The following TMEM154 variants were observed in gnomAD, a reference collection of about 807,000 sequenced individuals.
TMEM154 encodes transmembrane protein 154.
A neutral mutation model predicts 24.5 loss-of-function variants in TMEM154; 27 were observed. The ratio of observed to expected loss-of-function variants is 1.10; its 90% CI spans 0.81 to 1.52. The LOEUF (loss-of-function observed/expected upper bound fraction) is 1.52, where lower values mean the gene tolerates loss of function less well. Ranked by LOEUF, TMEM154 falls within the 40% of genes most tolerant of loss-of-function variation. The pLI, the probability that TMEM154 is intolerant of heterozygous loss-of-function variation, is 0.00. For synonymous variants in TMEM154, 67 were observed against 76.8 expected (o/e 0.87, Z 0.67); for missense variants, 228 against 213.4 (o/e 1.07, Z -0.43).
intron 3 of TMEM154, among the ~76,000 whole-genome samples, chr4:152,650,574 C>T (rs968470897): frequency 2.6e-5 from 4 of 152,182 alleles, no homozygotes; most frequent in Admixed American, 6.5e-5. Context: ...TTGGAATCAA[C>T]GTCTTCCAAA....
At chr4:152,635,691 C>T (rs187953992) in intron 6 of TMEM154, among the ~76,000 whole-genome samples, 3 of 152,256 alleles carry the variant, frequency 2.0e-5, no homozygotes, top group Non-Finnish European at 2.9e-5. Flanking sequence ...AGCTCAGAAA[C>T]ATAAACTATA....
chr4:152,679,831 G>A (rs1729025548), intron 1 of TMEM154, 39 bp downstream of exon 1: 3 of 1,586,976 alleles, frequency 1.9e-6, no homozygotes, highest in Non-Finnish European at 2.6e-6. Context: ...CAGCTTTTGC[G>A]ATCCTCCTTC....
intron 6 of TMEM154, among the ~76,000 whole-genome samples, chr4:152,637,640 C>G (rs1216858651): frequency 6.6e-6 from 1 of 152,096 alleles, no homozygotes; most frequent in Non-Finnish European, 1.5e-5. Context: ...GTTCTTATTT[C>G]CATTTTTCAA....
intron 6 of TMEM154, among the ~76,000 whole-genome samples, chr4:152,637,893 A>G (rs997451696): frequency 9.9e-5 from 15 of 152,248 alleles, no homozygotes; most frequent in Admixed American, 3.3e-4. Context: ...TTAGGATAGG[A>G]AAAAGAAATG....
chr4:152,655,354 T>C (rs1224569199), intron 1 of TMEM154, among the ~76,000 whole-genome samples: 1 of 152,148 alleles, frequency 6.6e-6, no homozygotes, highest in Non-Finnish European at 1.5e-5. Context: ...GCCCCTCAAC[T>C]CTCACAGGCC....
At position 152,619,736 on chromosome 4, in the gene TMEM154, C is replaced by G. The variant is rs986203964; in HGVS notation, c.*8810G>C. On this transcript the variant is annotated 3_prime_UTR_variant, in exon 7 of 7. Coordinates refer to ENST00000304385, the MANE Select transcript of TMEM154 (RefSeq NM_152680.3). ...CCACAGGCTTGGCTGGGCTCCTATC[C>G]GACAGCCAGAACAAACTTGCCAGCC... 1 of 152,166 alleles carries G rather than the reference C, an allele frequency of 6.6e-6. No homozygotes were observed. Among genetic ancestry groups the G allele is most frequent in the African/African-American group, 2.4e-5 (1 of 41,422 alleles). 9.4% of individuals were successfully genotyped at this position (152,166 alleles called of 1,614,324 possible).
In TMEM154 at chr4:152,622,676, C is replaced by T. The variant is rs1751861214; in HGVS notation, c.*5870G>A. On this transcript the variant is annotated 3_prime_UTR_variant, in exon 7 of 7. Coordinates refer to ENST00000304385, the MANE Select transcript of TMEM154 (RefSeq NM_152680.3). Reference sequence around the variant, plus strand: ...TGGAGTTGAGAATAATTTATATATACATATGTATACTGACATTTATAAAAT... The same window carrying T: ...TGGAGTTGAGAATAATTTATATATATATATGTATACTGACATTTATAAAAT... 6.6e-6 allele frequency: 1 copy of T among 151,994 alleles called. No homozygotes were observed. The highest frequency in any genetic ancestry group is 1.5e-5 in the Non-Finnish European group (1 of 68,008). 9.4% of individuals were successfully genotyped at this position (151,994 alleles called of 1,614,324 possible).
chr4:152,648,850 A>G (rs543141710), intron 3 of TMEM154, among the ~76,000 whole-genome samples: 33 of 152,298 alleles, frequency 2.2e-4, no homozygotes, highest in Non-Finnish European at 4.1e-4. Context: ...AAAACCAGTC[A>G]TGGTTTGGGG....
At chr4:152,653,853 A>G (rs541632141) in intron 1 of TMEM154, among the ~76,000 whole-genome samples, 2 of 151,386 alleles carry the variant, frequency 1.3e-5, no homozygotes, top group East Asian at 4.0e-4. Context: ...AGCCTGACCA[A>G]CATGGTGAAA....
At chr4:152,645,698 A>G (rs1298784127) in intron 3 of TMEM154, among the ~76,000 whole-genome samples, 1 of 152,208 alleles carries the variant, frequency 6.6e-6, no homozygotes, top group African/African-American at 2.4e-5. Flanking sequence ...GAAGGAACAC[A>G]ACCAGCAGAC....
intron 3 of TMEM154, among the ~76,000 whole-genome samples, chr4:152,649,290 T>C (rs74956563): frequency 0.048 from 7,317 of 152,340 alleles, 213 homozygotes; most frequent in East Asian, 0.073. Context: ...AGGCTTTAAC[T>C]TAAAAATCGA....
rs1751897218 is a variant in TMEM154 at position 152,625,136 on chromosome 4, A to C, written c.*3410T>G. ...GTGAATTAATAGTTTAAACCACCAA[A>C]ATAAAAGAATAGACAAGTATTTTCT... On this transcript the variant is annotated 3_prime_UTR_variant, in exon 7 of 7. Transcript: ENST00000304385. 6.6e-6 allele frequency: 1 copy of C among 152,218 alleles called. No individual in the cohort carries two copies. Among genetic ancestry groups the C allele is most frequent in the African/African-American group, 2.4e-5 (1 of 41,456 alleles). The allele number at this position is 152,218 out of a possible 1,614,324, so 9.4% of individuals were successfully genotyped here. A position where few individuals can be genotyped will look rare whatever the true frequency, so the allele number is the denominator to read the frequency against.
At chr4:152,660,615 G>C (rs1356704731) in intron 1 of TMEM154, among the ~76,000 whole-genome samples, 1 of 152,150 alleles carries the variant, frequency 6.6e-6, no homozygotes, top group African/African-American at 2.4e-5. Flanking sequence ...TTTGAAACCA[G>C]GGGGCCGATG....
intron 3 of TMEM154, among the ~76,000 whole-genome samples, chr4:152,647,896 G>C (rs1463879990): frequency 6.6e-6 from 1 of 152,178 alleles, no homozygotes; most frequent in Non-Finnish European, 1.5e-5. Context: ...ACGGTGCCAG[G>C]AAGTGCAAGC....
At chr4:152,674,720 G>T (rs918531785) in intron 1 of TMEM154, among the ~76,000 whole-genome samples, 47 of 152,166 alleles carry the variant, frequency 3.1e-4, no homozygotes, top group Non-Finnish European at 6.2e-4. Flanking sequence ...AAGGCTGGGG[G>T]TATATTCGAA....
chr4:152,628,448 AAATT>A lies in TMEM154; in HGVS notation c.*94_*97del. The A allele has an allele frequency of 6.3e-7, 1 of 1,580,198 alleles. No homozygotes were observed. The highest frequency in any genetic ancestry group is 1.4e-5 in the African/African-American group (1 of 73,782). ...AGGTTCTTGTGTCTATGTTGATTTG[AAATT>A]AATTAAATTTGTATCCTCTTCATCC... On this transcript the variant is annotated 3_prime_UTR_variant, in exon 7 of 7. Transcript: ENST00000304385.
chr4:152,651,057 T>C (rs1007440996), intron 3 of TMEM154, among the ~76,000 whole-genome samples: 1 of 152,338 alleles, frequency 6.6e-6, no homozygotes, highest in East Asian at 1.9e-4. Flanking sequence ...ATTTTCAGAA[T>C]GGTAAACAAG....
chr4:152,636,415 C>T (rs1252188805), intron 6 of TMEM154, among the ~76,000 whole-genome samples: 2 of 152,182 alleles, frequency 1.3e-5, no homozygotes, highest in African/African-American at 4.8e-5. Flanking sequence ...GAAACACTCC[C>T]CTCCCCCATG....
At chr4:152,641,873 C>T (rs1445728835) in intron 5 of TMEM154, among the ~76,000 whole-genome samples, 11 of 141,272 alleles carry the variant, frequency 7.8e-5, no homozygotes, top group African/African-American at 2.6e-4. Flanking sequence ...TTTGAAATCA[C>T]ACCTTGATAA....
Sources: gnomAD v4.1 joint callset for allele counts (sites outside exome capture counted in the v4.1 genomes callset) on GRCh38, gnomAD v4.1.1 for gene constraint, MANE v1.5 for transcripts, NCBI Gene and HGNC (gene_info 2026-07-23, HGNC 2026-07-21) for gene names.